Variants in FAM186A observed in about 807,000 individuals in gnomAD.
FAM186A encodes the protein family with sequence similarity 186 member A.
FAM186A carries 163 observed loss-of-function variants against 216.8 expected under a neutral mutation model. The observed-to-expected ratio is 0.75, with a 90% CI of 0.66 to 0.86. The LOEUF is 0.86. Ranked by LOEUF, FAM186A falls within the 40% of genes least tolerant of loss-of-function variation. FAM186A has a pLI of 0.00. For missense variants in FAM186A, 2,184 were observed against 2,746.2 expected (o/e 0.80, Z 4.58); for synonymous variants, 805 against 1,025.3 (o/e 0.79, Z 4.10).
Position 50,334,171 on chromosome 12 carries a change from GT to G in FAM186A, c.6504-69del. On this transcript the variant is annotated intron_variant, in intron 4 of 7. Transcript: ENST00000327337. ...CCCTACTTCAACAAACTTGTCCTCA[GT>G]TTCTTTTTTTTTTTTGAGACGGAGT... is the stretch of plus-strand genomic sequence containing the variant. 4 of 1,273,510 alleles carry G rather than the reference GT, an allele frequency of 3.1e-6. No homozygotes were observed. The South Asian group carries it at 6.9e-5, about 22-fold the overall frequency. The allele number at this position is 1,273,510 out of a possible 1,614,324, so 78.9% of individuals were successfully genotyped here.
rs1339176383 is a variant in FAM186A at position 50,353,795 on chromosome 12, A to C, written c.3037T>G (p.Trp1013Gly). Residue 1013 changes from tryptophan (W) to glycine (G), a missense_variant, in exon 4 of 8, where the codon TGG (tryptophan) becomes GGG (glycine). By Grantham distance (184) the Trp-to-Gly change is radical. This residue lies in a region of FAM186A where 1,132 missense variants were observed against 1,263.4 expected (regional missense o/e 0.90). Transcript: ENST00000327337. Reference protein sequence around the residue: ...IQTPMTLSPRWKSVLKDVQRS... With the variant: ...IQTPMTLSPRGKSVLKDVQRS... ...TGTACATCTTTCAATACACTCTTCCACCTGGGAGATAATGTCATTGGAGTT... is the reference window on the plus strand; with the variant it reads ...TGTACATCTTTCAATACACTCTTCCCCCTGGGAGATAATGTCATTGGAGTT... The C allele has an allele frequency of 4.5e-6, 7 of 1,551,586 alleles. No homozygotes were observed. The highest frequency in any genetic ancestry group is 6.1e-6 in the Non-Finnish European group (7 of 1,146,948).
intron 1 of FAM186A, among the ~76,000 whole-genome samples, chr12:50,369,407 C>T (rs1943120328): frequency 6.8e-6 from 1 of 147,608 alleles, no homozygotes; most frequent in East Asian, 2.0e-4. Context: ...AGGAGAATTA[C>T]TTGAACCCGG....
intron 4 of FAM186A, among the ~76,000 whole-genome samples, chr12:50,347,427 A>G (rs2138769961): frequency 6.6e-6 from 1 of 152,248 alleles, no homozygotes; most frequent in South Asian, 2.1e-4. Flanking sequence ...ACTTATCAAT[A>G]GGCAGATCAA....
chr12:50,337,480 G>A (rs1017707301), intron 4 of FAM186A, among the ~76,000 whole-genome samples: 2 of 145,676 alleles, frequency 1.4e-5, no homozygotes, highest in Non-Finnish European at 3.0e-5. Flanking sequence ...TTTTTTTTAA[G>A]TAGAGATGGG....
intron 1 of FAM186A, among the ~76,000 whole-genome samples, chr12:50,389,171 G>C (rs192590687): frequency 2.2e-4 from 33 of 152,152 alleles, no homozygotes; most frequent in Non-Finnish European, 3.4e-4. Context: ...TTAAAGACTA[G>C]CTTGAGCACA....
chr12:50,352,535 T>A lies in FAM186A; in HGVS notation c.4297A>T (p.Ile1433Phe), dbSNP rs1942906583. 6.7e-7 allele frequency: 1 copy of A among 1,489,728 alleles called. No homozygotes were observed. 92.3% of individuals were successfully genotyped at this position (1,489,728 alleles called of 1,614,324 possible). Residue 1433 changes from isoleucine (I) to phenylalanine (F), a missense_variant, in exon 4 of 8, where the codon ATC becomes TTC. Ile to Phe is a conservative substitution (Grantham distance 21). Transcript: ENST00000327337. ...FTPQQAQAQE[I>F]TLTPQQAQAL... The stretch of plus-strand genomic sequence containing the variant: ...TGGGCCTGCTGAGGGGTGAGAGTGA[T>A]CTCCTGAGCCTGTGCCTGCTGAGGG...
intron 1 of FAM186A, among the ~76,000 whole-genome samples, chr12:50,369,553 T>G (rs891973299): frequency 2.0e-5 from 3 of 151,408 alleles, no homozygotes; most frequent in Non-Finnish European, 4.4e-5. Flanking sequence ...CATTTGTTTG[T>G]CAAAGGACAA....
chr12:50,362,743 CAAAAAAAAAAA>C (rs10654604), intron 2 of FAM186A, among the ~76,000 whole-genome samples: 41 of 85,900 alleles, frequency 4.8e-4, no homozygotes, highest in African/African-American at 1.7e-3. Context: ...GAACCTGTCT[CAAAAAAAAAAA>C]AAAAAAAAAA....
rs755559635 is a variant in FAM186A, at chr12:50,378,688, AG to A, written c.193-15325del. 1.9e-4 allele frequency among the ~76,000 whole-genome samples: 28 copies of A among 151,016 alleles called. No individual in the cohort carries two copies. In the South Asian group the frequency reaches 4.2e-3, roughly 22 times the overall value. ...TATATATAAAATTAAATTAAAAAAA[AG>A]AAAATGAAAAGTCAAGCCACAATCT... is the stretch of plus-strand genomic sequence containing the variant. On this transcript the variant is annotated intron_variant, in intron 1 of 7. Transcript: ENST00000327337.
chr12:50,395,790 T>C (rs1943406613), intron 1 of FAM186A, among the ~76,000 whole-genome samples: 1 of 152,068 alleles, frequency 6.6e-6, no homozygotes, highest in Non-Finnish European at 1.5e-5. Context: ...AGATAGAGTT[T>C]CGCTTTTGTT....
chr12:50,368,429 T>C (rs924261961), intron 1 of FAM186A, among the ~76,000 whole-genome samples: 4 of 151,650 alleles, frequency 2.6e-5, no homozygotes, highest in African/African-American at 9.7e-5. Flanking sequence ...TTTTAAATAA[T>C]AATAATAAAT....
chr12:50,353,346 C>A lies in FAM186A; in HGVS notation c.3486G>T (p.Gln1162His), dbSNP rs758136711. The change falls in exon 4 of 8, where the codon CAG becomes CAT. Residue 1162 changes from glutamine (Q) to histidine (H), a missense_variant. Coordinates refer to ENST00000327337, the MANE Select transcript of FAM186A (RefSeq NM_001145475.3). ...DQAPGISLTT[Q>H]QAQKLGIPLT... ...GAGGGATCCCTAGTTTCTGAGCCTG[C>A]TGAGTGGTGAGAGAGATCCCCGGGG... 1 of 1,538,576 alleles carries A rather than the reference C, an allele frequency of 6.5e-7. No homozygotes were observed. Among genetic ancestry groups the A allele is most frequent in the South Asian group, 1.2e-5 (1 of 82,850 alleles).
chr12:50,366,138 G>C, intron 1 of FAM186A: 2 of 585,704 alleles, frequency 3.4e-6, no homozygotes, highest in Non-Finnish European at 3.0e-6. Context: ...AAAAAAAAAA[G>C]AATAAGATTT....
At chr12:50,390,699 T>G (rs776316294) in intron 1 of FAM186A, among the ~76,000 whole-genome samples, 2 of 152,126 alleles carry the variant, frequency 1.3e-5, no homozygotes, top group Non-Finnish European at 2.9e-5. Context: ...TGTTAAGGTC[T>G]GAACTCTAGA....
Position 50,365,902 on chromosome 12 carries a change from G to A in FAM186A, c.193-2538C>T, listed in dbSNP as rs530479712. The A allele has an allele frequency of 1.1e-3, 816 of 762,872 alleles. 7 individuals carry two copies. Among genetic ancestry groups the A allele is most frequent in the South Asian group, 9.8e-3 (733 of 74,454 alleles). The allele number at this position is 762,872 out of a possible 1,614,324, so 47.3% of individuals were successfully genotyped here. On this transcript the variant is annotated intron_variant, in intron 1 of 7. Transcript: ENST00000327337. Reference sequence around the variant, plus strand: ...AAGAAATATATTATCTACATTGAACGGGTGCAGTGGAAAAAGGCTAATGGC... The same window carrying A: ...AAGAAATATATTATCTACATTGAACAGGTGCAGTGGAAAAAGGCTAATGGC...
At chr12:50,346,241 G>GAAAGAAAGAAAGAAAGAAAGAAAGAA (rs1179539771) in intron 4 of FAM186A, among the ~76,000 whole-genome samples, 2 of 145,312 alleles carry the variant, frequency 1.4e-5, no homozygotes, top group African/African-American at 5.3e-5. Flanking sequence ...AAGAAAAAAA[G>GAAAGAAAGAAAGAAAGAAAGAAAGAA]AAAGAAAGAA....
intron 1 of FAM186A, among the ~76,000 whole-genome samples, chr12:50,388,419 A>G (rs1290534323): frequency 6.6e-6 from 1 of 152,008 alleles, no homozygotes; most frequent in Non-Finnish European, 1.5e-5. Flanking sequence ...GGAGTTCGAG[A>G]CTAGCCTGGG....
chr12:50,382,427 C>T (rs1241455775), intron 1 of FAM186A, among the ~76,000 whole-genome samples: 1 of 151,966 alleles, frequency 6.6e-6, no homozygotes, highest in Non-Finnish European at 1.5e-5. Context: ...TGACCAGGCA[C>T]AATGGCTCAC....
In FAM186A at chr12:50,355,235, G is replaced by T; in HGVS notation, c.1597C>A (p.Gln533Lys). 1 of 1,551,616 alleles carries T rather than the reference G, an allele frequency of 6.4e-7. No individual in the cohort carries two copies. Among genetic ancestry groups the T allele is most frequent in the Non-Finnish European group, 8.7e-7 (1 of 1,146,982 alleles). The change falls in exon 4 of 8, where the codon CAA (glutamine) becomes AAA (lysine). Residue 533 changes from glutamine to lysine, a missense_variant. Physicochemically the swap from Gln to Lys is moderately conservative, Grantham distance 53 (BLOSUM62 1). Around this residue, in one of 7 missense-constraint regions of FAM186A, gnomAD observed 1,132 missense variants for 1,263.4 expected, o/e 0.90. Coordinates refer to ENST00000327337, the MANE Select transcript of FAM186A (RefSeq NM_001145475.3). Reference sequence around the variant, plus strand: ...ATACTTGTTCCACTTTTGCCACCTTGGCTCTTTGTTTCAGTTAAAGAGAGA... The same window carrying T: ...ATACTTGTTCCACTTTTGCCACCTTTGCTCTTTGTTTCAGTTAAAGAGAGA... The part of the protein sequence containing the change: ...KHLSLTETKS[Q>K]GGKSGTSMMM...
Sources: allele counts gnomAD v4.1 joint callset (sites outside exome capture counted in the v4.1 genomes callset), GRCh38; gene constraint gnomAD v4.1.1; regional missense constraint gnomAD v4.1.1; transcripts MANE v1.5; gene names NCBI Gene and HGNC (gene_info 2026-07-23, HGNC 2026-07-21).